Variants in PHF24 observed in about 807,000 individuals in gnomAD.
PHF24 encodes Galpha inhibitory interacting protein.
PHF24 carries 25 observed loss-of-function variants against 42.6 expected under a neutral mutation model. The observed-to-expected ratio is 0.59, with a 90% CI of 0.43 to 0.82. The LOEUF (loss-of-function observed/expected upper bound fraction) is 0.82. Among genes scored for constraint, PHF24 ranks in the 40% least tolerant of loss-of-function variants. PHF24 has a pLI of 0.00. For missense variants in PHF24, 470 were observed against 538.1 expected, an observed-to-expected ratio of 0.87 and a Z score of 1.25; for synonymous variants, 185 against 204.8, an observed-to-expected ratio of 0.90 and a Z score of 0.83.
the PHF24 span, among the ~76,000 whole-genome samples, chr9:34,887,196 T>C: frequency 6.6e-6 from 1 of 152,166 alleles, no homozygotes; most frequent in African/African-American, 2.4e-5. Context: ...GAACCCAGCA[T>C]CTAAATGCCT....
the PHF24 span, chr9:34,681,157 C>G: frequency 6.6e-6 from 1 of 152,216 alleles, no homozygotes; most frequent in Non-Finnish European, 1.5e-5. Flanking sequence ...CACTTGAAAA[C>G]TTGAGCAGCC....
chr9:34,941,287 A>G, the PHF24 span, among the ~76,000 whole-genome samples: 1 of 152,146 alleles, frequency 6.6e-6, no homozygotes, highest in Non-Finnish European at 1.5e-5. Context: ...GCATTTTCTG[A>G]GACCATCTGC....
the PHF24 span, among the ~76,000 whole-genome samples, chr9:34,921,063 T>C: frequency 6.6e-6 from 1 of 152,214 alleles, no homozygotes; most frequent in Non-Finnish European, 1.5e-5. Flanking sequence ...CCTTGTCTCG[T>C]TCCAGAACTT....
At chr9:34,710,462 A>G in the PHF24 span, among the ~76,000 whole-genome samples, 1 of 136,224 alleles carries the variant, frequency 7.3e-6, no homozygotes, top group East Asian at 2.6e-4. Flanking sequence ...AAATTGTAAG[A>G]GTTCTTTTTT....
At chr9:34,771,018 C>T in the PHF24 span, among the ~76,000 whole-genome samples, 1 of 152,106 alleles carries the variant, frequency 6.6e-6, no homozygotes, top group Non-Finnish European at 1.5e-5. Context: ...GAGGCTGAGG[C>T]AGGAGAATCA....
chr9:34,691,399 G>GC, the PHF24 span: 2 of 472,052 alleles, frequency 4.2e-6, no homozygotes, highest in African/African-American at 2.0e-5. Flanking sequence ...ATCGCACCCT[G>GC]CCCCCCTTCT....
chr9:34,703,248 C>T, the PHF24 span, among the ~76,000 whole-genome samples: 6 of 151,892 alleles, frequency 4.0e-5, no homozygotes, highest in Non-Finnish European at 5.9e-5. Flanking sequence ...GACCTCGGCT[C>T]ACAGCAACCT....
chr9:34,806,431 C>CTGT, the PHF24 span, among the ~76,000 whole-genome samples: 2 of 151,938 alleles, frequency 1.3e-5, no homozygotes, highest in African/African-American at 2.4e-5. Flanking sequence ...TTTGTTGTTG[C>CTGT]TGTTGTTGTT....
the PHF24 span, among the ~76,000 whole-genome samples, chr9:34,718,490 C>T: frequency 6.6e-6 from 1 of 152,250 alleles, no homozygotes; most frequent in Non-Finnish European, 1.5e-5. Context: ...CATATTCCCA[C>T]CTGAGCTCAA....
rs532396816 is a variant in PHF24 at position 34,972,845 on chromosome 9, C to T, written c.564+314C>T. Reference sequence around the variant, plus strand: ...AGGAGAATCACTTAAACCCAGGAGGCGGAGGTTGCAGCGAGCCGAAATCGC... The same window carrying T: ...AGGAGAATCACTTAAACCCAGGAGGTGGAGGTTGCAGCGAGCCGAAATCGC... On this transcript the variant is annotated intron_variant, in intron 3 of 7. Coordinates refer to ENST00000242315, the Ensembl canonical transcript of PHF24. 4.3e-5 allele frequency among the ~76,000 whole-genome samples: 6 copies of T among 138,094 alleles called. 1 individual carries two copies. In the East Asian group the frequency reaches 8.7e-4, roughly 20 times the overall value. The allele number at this position is 138,094 out of a possible 152,430, so 90.6% of individuals were successfully genotyped here. A position where few individuals can be genotyped will look rare whatever the true frequency, so the allele number is the denominator to read the frequency against.
At chr9:34,719,182 T>C in the PHF24 span, among the ~76,000 whole-genome samples, 2 of 152,136 alleles carry the variant, frequency 1.3e-5, no homozygotes, top group African/African-American at 2.4e-5. Flanking sequence ...GGATTACAGG[T>C]GCACACTACC....
the PHF24 span, among the ~76,000 whole-genome samples, chr9:34,927,820 G>C: frequency 1.3e-5 from 2 of 152,102 alleles, no homozygotes; most frequent in South Asian, 4.1e-4. Flanking sequence ...ATTGTGTTGG[G>C]CCTTTCTTGT....
chr9:34,731,034 A>G, the PHF24 span, among the ~76,000 whole-genome samples: 1 of 152,250 alleles, frequency 6.6e-6, no homozygotes, highest in African/African-American at 2.4e-5. Flanking sequence ...ATACTTACAC[A>G]TGGCACAAAA....
the PHF24 span, among the ~76,000 whole-genome samples, chr9:34,821,694 A>G: frequency 6.6e-6 from 1 of 152,178 alleles, no homozygotes; most frequent in Non-Finnish European, 1.5e-5. Context: ...CACACCACTA[A>G]GATCAGTGAC....
the PHF24 span, among the ~76,000 whole-genome samples, chr9:34,683,206 A>G: frequency 6.6e-6 from 1 of 152,104 alleles, no homozygotes; most frequent in Non-Finnish European, 1.5e-5. Context: ...GATTACAGGC[A>G]TGCGCCACCA....
the PHF24 span, among the ~76,000 whole-genome samples, chr9:34,928,085 G>C: frequency 2.2e-4 from 33 of 151,988 alleles, no homozygotes; most frequent in African/African-American, 8.0e-4. Flanking sequence ...GCATGGTGGA[G>C]AGTGCCTGTA....
At chr9:34,795,510 A>G in the PHF24 span, among the ~76,000 whole-genome samples, 1 of 152,200 alleles carries the variant, frequency 6.6e-6, no homozygotes, top group Non-Finnish European at 1.5e-5. Flanking sequence ...GAACATTAGG[A>G]ATGAAGAAAA....
chr9:34,954,656 C>A (rs573181122), upstream of PHF24, among the ~76,000 whole-genome samples: 2 of 152,196 alleles, frequency 1.3e-5, no homozygotes, highest in Admixed American at 1.3e-4. Context: ...TTAGTCTCAT[C>A]TTCATGTTTA....
At chr9:34,759,168 C>T in the PHF24 span, among the ~76,000 whole-genome samples, 2 of 152,152 alleles carry the variant, frequency 1.3e-5, no homozygotes, top group Non-Finnish European at 2.9e-5. Flanking sequence ...AACATGCTGC[C>T]TTGATATCTT....
Sources: allele counts gnomAD v4.1 joint callset (sites outside exome capture counted in the v4.1 genomes callset), GRCh38; gene constraint gnomAD v4.1.1; transcripts MANE v1.5; gene names NCBI Gene and HGNC (gene_info 2026-07-23, HGNC 2026-07-21).